Variants in LSAMP observed in about 807,000 individuals in gnomAD.
The protein encoded by LSAMP is limbic system-associated membrane protein.
In LSAMP, 7 loss-of-function variants were observed where a neutral mutation model predicts 38.6. That is an observed-to-expected ratio of 0.18 (90% confidence interval 0.10 to 0.34). The LOEUF is 0.34. Among genes scored for constraint, LSAMP ranks in the 10% least tolerant of loss-of-function variants. LSAMP has a pLI of 1.00. For synonymous variants in LSAMP, 154 were observed against 166.8 expected, an observed-to-expected ratio of 0.92 and a Z score of 0.59; for missense variants, 313 against 420.0, an observed-to-expected ratio of 0.75 and a Z score of 2.23.
At chr3:116,172,857 G>A (rs1710236586) in intron 1 of LSAMP, among the ~76,000 whole-genome samples, 1 of 151,950 alleles carries the variant, frequency 6.6e-6, no homozygotes, top group Non-Finnish European at 1.5e-5. Flanking sequence ...GCATTGTTGA[G>A]TGAAGTGTTT....
chr3:116,162,167 C>G (rs564608025), intron 1 of LSAMP, among the ~76,000 whole-genome samples: 8 of 152,290 alleles, frequency 5.3e-5, no homozygotes, highest in African/African-American at 1.9e-4. Flanking sequence ...TAATAAATTA[C>G]TGCTCTCCAA....
chr3:116,293,130 C>T (rs533355907), intron 1 of LSAMP, among the ~76,000 whole-genome samples: 1 of 152,218 alleles, frequency 6.6e-6, no homozygotes, highest in African/African-American at 2.4e-5. Context: ...GAGATAAGAA[C>T]ATCTCTTTTG....
intron 2 of LSAMP, among the ~76,000 whole-genome samples, chr3:116,057,820 T>C (rs1164866152): frequency 3.9e-5 from 6 of 152,124 alleles, no homozygotes; most frequent in Admixed American, 3.3e-4. Flanking sequence ...CCCTTTCTAC[T>C]TAACTTATTT....
chr3:116,208,698 C>T (rs1180149722), intron 1 of LSAMP, among the ~76,000 whole-genome samples: 1 of 151,886 alleles, frequency 6.6e-6, no homozygotes, highest in Non-Finnish European at 1.5e-5. Flanking sequence ...GGGGTGCCTC[C>T]CAGTTAGGCT....
intron 1 of LSAMP, among the ~76,000 whole-genome samples, chr3:116,214,405 G>C (rs111797479): frequency 6.6e-6 from 1 of 151,598 alleles, no homozygotes; most frequent in East Asian, 1.9e-4. Context: ...ATGTTTCCCT[G>C]CTAAAAAGCC....
chr3:116,210,183 G>C (rs1326408516), intron 1 of LSAMP, among the ~76,000 whole-genome samples: 7 of 152,172 alleles, frequency 4.6e-5, no homozygotes, highest in Admixed American at 2.0e-4. Context: ...TGATGATTTT[G>C]ATGGTTAATA....
chr3:115,879,164 C>A (rs914371076), intron 3 of LSAMP, among the ~76,000 whole-genome samples: 1 of 152,098 alleles, frequency 6.6e-6, no homozygotes, highest in African/African-American at 2.4e-5. Flanking sequence ...CCAAGAAGTA[C>A]AAATCCAGCC....
chr3:116,005,568 G>T (rs953971377), intron 3 of LSAMP, among the ~76,000 whole-genome samples: 2 of 152,196 alleles, frequency 1.3e-5, no homozygotes, highest in African/African-American at 4.8e-5. Context: ...ACTAGCCTCA[G>T]CAGAGCCCGT....
intron 3 of LSAMP, among the ~76,000 whole-genome samples, chr3:115,929,107 C>G (rs188725632): frequency 6.7e-6 from 1 of 149,966 alleles, no homozygotes; most frequent in Admixed American, 6.7e-5. Context: ...CTAGAGCCTA[C>G]CAGGAAAGCA....
intron 1 of LSAMP, among the ~76,000 whole-genome samples, chr3:116,102,574 A>T (rs946506244): frequency 1.3e-5 from 2 of 152,240 alleles, no homozygotes; most frequent in Admixed American, 1.3e-4. Context: ...CCTGAATAGA[A>T]TAAAAGGCTA....
At chr3:116,303,075 T>G (rs1475852008) in intron 1 of LSAMP, among the ~76,000 whole-genome samples, 1 of 151,758 alleles carries the variant, frequency 6.6e-6, no homozygotes, top group Non-Finnish European at 1.5e-5. Flanking sequence ...ATGAAATTAA[T>G]GTGCACCCAT....
In LSAMP at chr3:116,168,696, G is replaced by A. The variant is rs187072427; in HGVS notation, c.156-82140C>T. ...GGGTGCAGGGCAGCCTCAATGACCCGAACATCTTCCCCACTGATGCCAACA... is the reference window on the plus strand; with the variant it reads ...GGGTGCAGGGCAGCCTCAATGACCCAAACATCTTCCCCACTGATGCCAACA... On this transcript the variant is annotated intron_variant, in intron 1 of 6. Transcript: ENST00000490035. Among the ~76,000 whole-genome samples, 32 of 152,216 alleles carry A rather than the reference G, an allele frequency of 2.1e-4. No homozygotes were observed. The East Asian group carries it at 5.0e-3, about 24-fold the overall frequency.
chr3:115,874,949 A>G (rs1241782702), intron 3 of LSAMP, among the ~76,000 whole-genome samples: 1 of 152,146 alleles, frequency 6.6e-6, no homozygotes, highest in Non-Finnish European at 1.5e-5. Flanking sequence ...CAAATTAAAC[A>G]GACACATTTA....
chr3:116,154,703 C>G (rs1402624305), intron 1 of LSAMP, among the ~76,000 whole-genome samples: 1 of 152,094 alleles, frequency 6.6e-6, no homozygotes, highest in African/African-American at 2.4e-5. Context: ...TATCCTTCCC[C>G]CATCCCTACT....
chr3:116,426,461 CAAAAAA>C (rs34278703), intron 1 of LSAMP, among the ~76,000 whole-genome samples: 1 of 85,536 alleles, frequency 1.2e-5, no homozygotes, highest in African/African-American at 4.4e-5. Context: ...AACTCCGTCT[CAAAAAA>C]AAAAAAAAAA....
chr3:115,865,652 T>G (rs1319085888), intron 3 of LSAMP, among the ~76,000 whole-genome samples: 2 of 152,176 alleles, frequency 1.3e-5, no homozygotes, highest in Non-Finnish European at 2.9e-5. Flanking sequence ...ATCACTGGGC[T>G]CTTTCACAGA....
At chr3:116,269,850 C>T (rs2046946581) in intron 1 of LSAMP, among the ~76,000 whole-genome samples, 1 of 152,082 alleles carries the variant, frequency 6.6e-6, no homozygotes, top group African/African-American at 2.4e-5. Context: ...ACAGTTTAAA[C>T]CAAAGAAACT....
At chr3:116,041,716 T>A (rs1311422911) in intron 2 of LSAMP, among the ~76,000 whole-genome samples, 1 of 146,208 alleles carries the variant, frequency 6.8e-6, no homozygotes, top group African/African-American at 2.5e-5. Context: ...ACTCCTGAGA[T>A]AACACTTGAT....
chr3:116,423,171 G>A (rs2049151638), intron 1 of LSAMP, among the ~76,000 whole-genome samples: 1 of 152,160 alleles, frequency 6.6e-6, no homozygotes, highest in Non-Finnish European at 1.5e-5. Context: ...AAGCAAATTA[G>A]TTTCGTGTAT....
Sources: gnomAD v4.1 joint callset for allele counts (sites outside exome capture counted in the v4.1 genomes callset) on GRCh38, gnomAD v4.1.1 for gene constraint, MANE v1.5 for transcripts, NCBI Gene and HGNC (gene_info 2026-07-23, HGNC 2026-07-21) for gene names.